DHX57: variants seen among roughly 807,000 people sequenced by gnomAD.
The protein encoded by DHX57 is putative ATP-dependent RNA helicase DHX57.
DHX57 carries 105 observed loss-of-function variants against 156.2 expected under a neutral mutation model. The observed-to-expected ratio is 0.67, with a 90% CI of 0.57 to 0.79. The LOEUF (loss-of-function observed/expected upper bound fraction) is 0.79. Ranked by LOEUF, DHX57 falls within the 30% of genes least tolerant of loss-of-function variation. The pLI is 0.00. For synonymous variants in DHX57, 704 were observed against 595.6 expected (o/e 1.18, Z -2.65); for missense variants, 1,847 against 1,661.9 (o/e 1.11, Z -1.94).
intron 19 of DHX57, chr2:38,816,062 T>A (rs1670532333): frequency 2.2e-6 from 1 of 462,880 alleles, no homozygotes; most frequent in Non-Finnish European, 4.4e-6. Flanking sequence ...TTTTCCTACT[T>A]GCATTTTTGC....
chr2:38,810,383 C>G, intron 21 of DHX57: 1 of 494,676 alleles, frequency 2.0e-6, no homozygotes, highest in Non-Finnish European at 4.0e-6. Context: ...AGTGCCTGTA[C>G]TTGGGGAATC....
intron 3 of DHX57, 144 bp downstream of exon 3, chr2:38,863,217 T>C (rs1673328259): frequency 4.9e-6 from 4 of 821,696 alleles, no homozygotes; most frequent in Non-Finnish European, 7.2e-6. Context: ...ATAATTATTC[T>C]TGTATTACTC....
At chr2:38,799,236 C>T (rs1426139277) in intron 23 of DHX57, among the ~76,000 whole-genome samples, 3 of 151,110 alleles carry the variant, frequency 2.0e-5, no homozygotes. Context: ...GATGGTGGTG[C>T]ATGCCTATAA....
Position 38,826,524 on chromosome 2 carries a change from T to G in DHX57, c.2805A>C (p.Lys935Asn). The stretch of plus-strand genomic sequence containing the variant: ...ACCACAAGACGGAATACCTCTTTTC[T>G]TTCATTTTCCCAGAATCGATAACAT... Reference protein sequence around the residue: ...VVYVIDSGKMKEKRYDASKGM... With the variant: ...VVYVIDSGKMNEKRYDASKGM... The change falls in exon 15 of 24, where the codon AAA becomes AAC. Residue 935 changes from lysine to asparagine, a missense_variant. Lys to Asn is a moderately conservative substitution (Grantham distance 94, BLOSUM62 0). Transcript: ENST00000457308. 6.2e-7 allele frequency: 1 copy of G among 1,613,854 alleles called. No homozygotes were observed. Among genetic ancestry groups the G allele is most frequent in the Non-Finnish European group, 8.5e-7 (1 of 1,179,788 alleles).
At chr2:38,820,088 AT>A (rs781534765) in intron 17 of DHX57, among the ~76,000 whole-genome samples, 4 of 152,206 alleles carry the variant, frequency 2.6e-5, no homozygotes, top group Non-Finnish European at 2.9e-5. Flanking sequence ...ACCACTGAAA[AT>A]CATTCTAAAC....
chr2:38,874,002 C>G (rs1175643543), intron 1 of DHX57, among the ~76,000 whole-genome samples: 1 of 152,194 alleles, frequency 6.6e-6, no homozygotes, highest in East Asian at 1.9e-4. Context: ...TACTCAAGTT[C>G]TCCAGTCAGC....
At chr2:38,844,686 G>GCAGTTTCT (rs1672176745) in intron 11 of DHX57, among the ~76,000 whole-genome samples, 1 of 115,712 alleles carries the variant, frequency 8.6e-6, no homozygotes, top group South Asian at 2.6e-4. Context: ...AAAAAGAAAT[G>GCAGTTTCT]ATTAATTTTT....
intron 19 of DHX57, 133 bp downstream of exon 19, chr2:38,818,744 G>T: frequency 1.0e-6 from 1 of 1,002,724 alleles, no homozygotes; most frequent in African/African-American, 1.6e-5. Context: ...CATTTTACAC[G>T]GCTGGTAAGG....
At chr2:38,846,094 G>A (rs930710566) in intron 11 of DHX57, among the ~76,000 whole-genome samples, 3 of 152,124 alleles carry the variant, frequency 2.0e-5, no homozygotes, top group Non-Finnish European at 4.4e-5. Flanking sequence ...TTGAACTCCC[G>A]CCCTCAGGTG....
intron 16 of DHX57, among the ~76,000 whole-genome samples, chr2:38,824,028 A>G (rs1156411322): frequency 6.6e-6 from 1 of 152,034 alleles, no homozygotes. Context: ...AAAAAAAAGA[A>G]TCTTGCAGAA....
chr2:38,864,759 C>T lies in DHX57; in HGVS notation c.225-1240G>A, dbSNP rs574983372. 1.1e-3 allele frequency among the ~76,000 whole-genome samples: 161 copies of T among 152,258 alleles called. 1 individual carries two copies. The highest frequency in any genetic ancestry group is 2.1e-3 in the Non-Finnish European group (142 of 68,010). ...GACCCATCTCTCCTCCCTCTAGCTC[C>T]CTTATAGTAAAACTTCTCATTTAGG... On this transcript the variant is annotated intron_variant, in intron 2 of 23. Coordinates refer to ENST00000457308, the MANE Select transcript of DHX57 (RefSeq NM_198963.3).
At chr2:38,863,715 A>C (rs1664889600) in intron 2 of DHX57, among the ~76,000 whole-genome samples, 196 bp from the exon 3 acceptor site, 1 of 152,180 alleles carries the variant, frequency 6.6e-6, no homozygotes, top group African/African-American at 2.4e-5. Context: ...CTGGAAAAAA[A>C]CCTTATCAGA....
intron 3 of DHX57, 139 bp downstream of exon 3, chr2:38,863,222 T>C: frequency 1.2e-6 from 1 of 859,150 alleles, no homozygotes; most frequent in African/African-American, 1.7e-5. Context: ...TATTCTTGTA[T>C]TACTCTTGGC....
At chr2:38,808,761 G>A (rs1442758831) in intron 21 of DHX57, among the ~76,000 whole-genome samples, 1 of 152,082 alleles carries the variant, frequency 6.6e-6, no homozygotes, top group Non-Finnish European at 1.5e-5. Flanking sequence ...TTATTTATTT[G>A]CATTATTATC....
intron 21 of DHX57, among the ~76,000 whole-genome samples, chr2:38,812,998 C>T (rs554224131): frequency 6.6e-6 from 1 of 152,132 alleles, no homozygotes; most frequent in South Asian, 2.1e-4. Flanking sequence ...CAGGCATGCA[C>T]CACCACACCC....
In DHX57 at chr2:38,798,115, C is replaced by T. The variant is rs896051614; in HGVS notation, c.*184G>A. On this transcript the variant is annotated 3_prime_UTR_variant, in exon 24 of 24. Coordinates refer to ENST00000457308, the MANE Select transcript of DHX57 (RefSeq NM_198963.3). The stretch of plus-strand genomic sequence containing the variant: ...ACACTCCAAATTGTGCTGGGAGTGG[C>T]CAAGGCTTTGTTAGAAATGGCCCTA... The T allele has an allele frequency of 6.3e-6, 4 of 635,432 alleles. No individual in the cohort carries two copies. The highest frequency in any genetic ancestry group is 7.4e-5 in the Admixed American group (2 of 26,866). 39.4% of individuals were successfully genotyped at this position (635,432 alleles called of 1,614,324 possible). A position where few individuals can be genotyped will look rare whatever the true frequency, so the allele number is the denominator to read the frequency against.
In DHX57 at chr2:38,827,424, T is replaced by C. The variant is rs1671144592; in HGVS notation, c.2640-735A>G. On this transcript the variant is annotated intron_variant, in intron 14 of 23. Coordinates refer to ENST00000457308, the MANE Select transcript of DHX57 (RefSeq NM_198963.3). Reference sequence around the variant, plus strand: ...TCACTTGAACCTGGGAGGCGGAGGTTGCAGTGAGCCGAGATCACGCCACTG... The same window carrying C: ...TCACTTGAACCTGGGAGGCGGAGGTCGCAGTGAGCCGAGATCACGCCACTG... 2.2e-5 allele frequency among the ~76,000 whole-genome samples: 3 copies of C among 137,194 alleles called. No individual in the cohort carries two copies. The East Asian group carries it at 6.5e-4, about 30-fold the overall frequency. The allele number at this position is 137,194 out of a possible 152,430, so 90.0% of individuals were successfully genotyped here.
intron 12 of DHX57, chr2:38,838,836 C>A (rs1405372488): frequency 4.4e-6 from 2 of 453,308 alleles, no homozygotes; most frequent in Non-Finnish European, 8.9e-6. Context: ...CATAGACCCT[C>A]ACAATCTCCC....
At chr2:38,850,845 C>T (rs185710164) in intron 9 of DHX57, among the ~76,000 whole-genome samples, 4 of 152,082 alleles carry the variant, frequency 2.6e-5, no homozygotes, top group Admixed American at 6.5e-5. Flanking sequence ...GAGGCCAAGG[C>T]GAGCATATCA....
Sources: allele counts gnomAD v4.1 joint callset (sites outside exome capture counted in the v4.1 genomes callset), GRCh38; gene constraint gnomAD v4.1.1; transcripts MANE v1.5; gene names NCBI Gene and HGNC (gene_info 2026-07-23, HGNC 2026-07-21).